The following HS3ST4 variants were observed in gnomAD, a reference collection of about 807,000 sequenced individuals.
The protein encoded by HS3ST4 is heparan sulfate glucosamine 3-O-sulfotransferase 4.
Under a neutral mutation model 29.2 loss-of-function variants are expected in HS3ST4, and 17 were observed. The observed-to-expected ratio is 0.58, with a 90% CI of 0.40 to 0.87. HS3ST4 has a LOEUF of 0.87. HS3ST4 is among the 40% of genes least tolerant of loss of function. The pLI, the probability that HS3ST4 is intolerant of heterozygous loss-of-function variation, is 0.00. For synonymous variants in HS3ST4, 314 were observed against 285.7 expected, an observed-to-expected ratio of 1.10 and a Z score of -1.00; for missense variants, 627 against 634.5, an observed-to-expected ratio of 0.99 and a Z score of 0.13.
At chr16:25,920,364 C>T (rs1295156517) in intron 1 of HS3ST4, among the ~76,000 whole-genome samples, 2 of 152,118 alleles carry the variant, frequency 1.3e-5, no homozygotes, top group Admixed American at 1.3e-4. Context: ...CATTATCATA[C>T]CCTACGGGGC....
intron 1 of HS3ST4, among the ~76,000 whole-genome samples, chr16:26,013,853 C>CA (rs1054838390): frequency 3.3e-5 from 5 of 151,658 alleles, no homozygotes; most frequent in East Asian, 1.9e-4. Context: ...ACTAAAAATA[C>CA]AAAAAAATTA....
chr16:25,826,297 T>G (rs1967213802), intron 1 of HS3ST4: 1 of 152,244 alleles, frequency 6.6e-6, no homozygotes, highest in Non-Finnish European at 1.5e-5. Context: ...CTTGTAGGTG[T>G]CTGTTCCTCA....
At chr16:25,926,768 T>G (rs1450690791) in intron 1 of HS3ST4, among the ~76,000 whole-genome samples, 1 of 152,226 alleles carries the variant, frequency 6.6e-6, no homozygotes, top group African/African-American at 2.4e-5. Context: ...TAGAAATACA[T>G]TCTGTTAACC....
intron 1 of HS3ST4, among the ~76,000 whole-genome samples, chr16:25,849,375 G>C (rs886217055): frequency 1.3e-5 from 2 of 152,064 alleles, no homozygotes; most frequent in African/African-American, 2.4e-5. Context: ...CTTTTGATTG[G>C]TGAATCTCTG....
chr16:25,874,028 G>T (rs1036178525), intron 1 of HS3ST4, among the ~76,000 whole-genome samples: 4 of 151,732 alleles, frequency 2.6e-5, no homozygotes, highest in Non-Finnish European at 4.4e-5. Context: ...CACTCTCATC[G>T]CACCTCACGC....
chr16:25,957,973 A>G (rs1395587450), intron 1 of HS3ST4, among the ~76,000 whole-genome samples: 1 of 152,100 alleles, frequency 6.6e-6, no homozygotes, highest in Non-Finnish European at 1.5e-5. Flanking sequence ...ACTACTCTCC[A>G]GCCAGGAAGG....
At chr16:25,693,178 TGGAGACGCGTGGG>T (rs770899695) in intron 1 of HS3ST4, 27 bp downstream of exon 1, 101 of 1,532,658 alleles carry the variant, frequency 6.6e-5, no homozygotes, top group Middle Eastern at 1.8e-4. Context: ...CGCGGGCTGG[TGGAGACGCGTGGG>T]GGAGACGCGG....
At chr16:25,904,784 TA>T (rs1567269149) in intron 1 of HS3ST4, among the ~76,000 whole-genome samples, 1 of 152,178 alleles carries the variant, frequency 6.6e-6, no homozygotes, top group African/African-American at 2.4e-5. Flanking sequence ...CGTTCCTGTA[TA>T]AAGCGGGGCT....
chr16:25,711,736 G>T (rs755417053), intron 1 of HS3ST4, among the ~76,000 whole-genome samples: 2 of 152,186 alleles, frequency 1.3e-5, no homozygotes, highest in Non-Finnish European at 2.9e-5. Context: ...AAGGTGCAAA[G>T]TACCTGGTCT....
intron 1 of HS3ST4, among the ~76,000 whole-genome samples, chr16:26,002,887 C>T (rs1209302401): frequency 1.3e-5 from 2 of 150,704 alleles, no homozygotes; most frequent in African/African-American, 4.9e-5. Context: ...TATTTGTCAT[C>T]CTCTCCAGAA....
chr16:26,031,494 T>G (rs1969530438), intron 1 of HS3ST4, among the ~76,000 whole-genome samples: 1 of 152,126 alleles, frequency 6.6e-6, no homozygotes, highest in Non-Finnish European at 1.5e-5. Context: ...TGGCACACAC[T>G]GAAACACACT....
intron 1 of HS3ST4, among the ~76,000 whole-genome samples, chr16:25,963,595 C>T (rs552420427): frequency 6.7e-4 from 102 of 152,352 alleles, no homozygotes; most frequent in Non-Finnish European, 1.2e-3. Context: ...ATGATTTTGA[C>T]ACAACAGCAT....
chr16:25,785,156 C>A (rs1447009370), intron 1 of HS3ST4, among the ~76,000 whole-genome samples: 1 of 152,192 alleles, frequency 6.6e-6, no homozygotes, highest in African/African-American at 2.4e-5. Flanking sequence ...AAAAAAGATT[C>A]CTTTCAAAAT....
rs1898480361 is a variant in HS3ST4, at chr16:26,061,905, GT to G, written c.735-73702del. Among the ~76,000 whole-genome samples, 3 of 152,146 alleles carry G rather than the reference GT, an allele frequency of 2.0e-5. No homozygotes were observed. The South Asian group carries it at 6.2e-4, about 32-fold the overall frequency. On this transcript the variant is annotated intron_variant, in intron 1 of 1. Coordinates refer to ENST00000331351, the MANE Select transcript of HS3ST4 (RefSeq NM_006040.3). The stretch of plus-strand genomic sequence containing the variant: ...AAAGAAGCTTGCTTTTTTCATTTTT[GT>G]TTTTATTTTCTCCTTCTGGCTCCTA...
Position 25,692,767 on chromosome 16 carries a change from A to G in HS3ST4, c.350A>G (p.Gln117Arg). The G allele has an allele frequency of 7.5e-7, 1 of 1,342,188 alleles. No individual in the cohort carries two copies. Among genetic ancestry groups the G allele is most frequent in the African/African-American group, 1.5e-5 (1 of 64,864 alleles). The allele number at this position is 1,342,188 out of a possible 1,614,324, so 83.1% of individuals were successfully genotyped here. A position where few individuals can be genotyped will look rare whatever the true frequency, so the allele number is the denominator to read the frequency against. ...GGGGAGCCGCCCGAGCCCCCAGAGC[A>G]GCCAGCCGCCCCCGGGACCGACGGC... is the stretch of plus-strand genomic sequence containing the variant. ...SHGEPPEPPE[Q>R]PAAPGTDGWG... The change falls in exon 1 of 2, where the codon CAG (glutamine) becomes CGG (arginine). Residue 117 changes from glutamine to arginine, a missense_variant. By Grantham distance (43) the Gln-to-Arg change is conservative (BLOSUM62 1). Coordinates refer to ENST00000331351, the MANE Select transcript of HS3ST4 (RefSeq NM_006040.3).
chr16:25,765,695 G>A (rs889470363), intron 1 of HS3ST4, among the ~76,000 whole-genome samples: 1 of 152,168 alleles, frequency 6.6e-6, no homozygotes, highest in African/African-American at 2.4e-5. Context: ...ACCCTCATCT[G>A]CTTAACTTAG....
At chr16:25,852,568 CTTT>C (rs947542728) in intron 1 of HS3ST4, among the ~76,000 whole-genome samples, 1 of 145,406 alleles carries the variant, frequency 6.9e-6, no homozygotes, top group Non-Finnish European at 1.5e-5. Context: ...AATGGGCAAT[CTTT>C]TTTTTTTTCT....
chr16:25,798,920 T>G (rs143678518), intron 1 of HS3ST4, among the ~76,000 whole-genome samples: 92 of 152,274 alleles, frequency 6.0e-4, no homozygotes, highest in African/African-American at 2.1e-3. Context: ...CCCTGGACAT[T>G]GGGTTACCAT....
intron 1 of HS3ST4, among the ~76,000 whole-genome samples, chr16:26,101,925 T>C (rs180851693): frequency 1.3e-5 from 2 of 152,352 alleles, no homozygotes; most frequent in East Asian, 3.9e-4. Context: ...TTTGGGGTTA[T>C]GTTCTCCTTA....
Sources: allele counts gnomAD v4.1 joint callset (sites outside exome capture counted in the v4.1 genomes callset), GRCh38; gene constraint gnomAD v4.1.1; transcripts MANE v1.5; gene names NCBI Gene and HGNC (gene_info 2026-07-23, HGNC 2026-07-21).